The following NSD2 variants were observed in gnomAD, a reference collection of about 807,000 sequenced individuals.
NSD2 encodes the protein histone-lysine N-methyltransferase NSD2.
NSD2 carries 12 observed loss-of-function variants against 139.0 expected under a neutral mutation model. That is an observed-to-expected ratio of 0.09 (90% CI 0.06 to 0.14). NSD2 has a LOEUF of 0.14. NSD2 is among the 10% of genes least tolerant of loss of function. NSD2 has a pLI of 1.00. For synonymous variants in NSD2, 669 were observed against 648.7 expected, an observed-to-expected ratio of 1.03 and a Z score of -0.48; for missense variants, 1,155 against 1,745.0, an observed-to-expected ratio of 0.66 and a Z score of 6.02.
chr4:1,964,967 A>G (rs1725730719), intron 18 of NSD2, among the ~76,000 whole-genome samples: 1 of 151,788 alleles, frequency 6.6e-6, no homozygotes, highest in Non-Finnish European at 1.5e-5. Flanking sequence ...AAAAATAACA[A>G]AAACAGCAAA....
rs1407191173 is a variant in NSD2 at position 1,982,080 on chromosome 4, T to C, written c.*3171T>C. 5.0e-6 allele frequency: 2 copies of C among 396,924 alleles called. No homozygotes were observed. The highest frequency in any genetic ancestry group is 4.1e-5 in the African/African-American group (2 of 48,610). 24.6% of individuals were successfully genotyped at this position (396,924 alleles called of 1,614,324 possible). A position where few individuals can be genotyped will look rare whatever the true frequency, so the allele number is the denominator to read the frequency against. On this transcript the variant is annotated 3_prime_UTR_variant, in exon 22 of 22. Coordinates refer to ENST00000508803, the MANE Select transcript of NSD2 (RefSeq NM_001042424.3). Reference sequence around the variant, plus strand: ...AATTCACTTTTTGGGGGGAGGGATATACTGAAATAGAGAGTTGAGACTTGC... The same window carrying C: ...AATTCACTTTTTGGGGGGAGGGATACACTGAAATAGAGAGTTGAGACTTGC...
intron 7 of NSD2, 50 bp from the exon 8 acceptor site, chr4:1,938,401 C>CTTTTTTTTTTGTTTGTTTT: frequency 2.3e-6 from 2 of 872,424 alleles, no homozygotes; most frequent in Non-Finnish European, 2.9e-6. Flanking sequence ...TTTTTCTTTT[C>CTTTTTTTTTTGTTTGTTTT]TTTTTTTTTT....
chr4:1,946,199 C>G (rs1424313077), intron 9 of NSD2: 1 of 1,016,142 alleles, frequency 9.8e-7, no homozygotes, highest in Non-Finnish European at 1.2e-6. Context: ...TCTTAAAATA[C>G]TCACAAAGCT....
intron 17 of NSD2, among the ~76,000 whole-genome samples, chr4:1,960,381 G>T (rs944905853): frequency 6.6e-6 from 1 of 152,212 alleles, no homozygotes; most frequent in Admixed American, 6.5e-5. Flanking sequence ...TTGCTCTTGT[G>T]AGGGGTGGTC....
chr4:1,937,078 G>A lies in NSD2; in HGVS notation c.1675-1373G>A, dbSNP rs1194240171. ...TAATTTTTTTTTTTTTTGAGAGGGA[G>A]TCTCACTTCGTCACCCAGGCTGGAG... On this transcript the variant is annotated intron_variant, in intron 7 of 21. Coordinates refer to ENST00000508803, the MANE Select transcript of NSD2 (RefSeq NM_001042424.3). 4.6e-5 allele frequency among the ~76,000 whole-genome samples: 7 copies of A among 151,342 alleles called. No homozygotes were observed. In the South Asian group the frequency reaches 1.5e-3, roughly 32 times the overall value.
rs1345791619 is a variant in NSD2 at position 1,958,544 on chromosome 4, C to T, written c.2985+508C>T. Among the ~76,000 whole-genome samples, 2 of 152,242 alleles carry T rather than the reference C, an allele frequency of 1.3e-5. No individual in the cohort carries two copies. Among genetic ancestry groups the T allele is most frequent in the East Asian group, 3.9e-4 (2 of 5,184 alleles). ...AGGGCTCTGTGAGAGCTCCAGGCCC[C>T]TCAGGGCTGCCTGCGCTCAGAGCTG... On this transcript the variant is annotated intron_variant, in intron 16 of 21. Coordinates refer to ENST00000508803, the MANE Select transcript of NSD2 (RefSeq NM_001042424.3). The surrounding 1 kb of genome is among the most constrained non-coding windows in gnomAD (Gnocchi z 4.6).
At chr4:1,902,756 C>G (rs1475199888) in intron 2 of NSD2, among the ~76,000 whole-genome samples, 3 of 152,196 alleles carry the variant, frequency 2.0e-5, no homozygotes, top group Non-Finnish European at 2.9e-5. Flanking sequence ...GGCTTTTATT[C>G]CTAGCCATGT....
rs953376550 is a variant in NSD2 at position 1,948,595 on chromosome 4, A to G, written c.1882-2477A>G. On this transcript the variant is annotated intron_variant, in intron 9 of 21. Transcript: ENST00000508803. This position sits in a 1 kb window ranked among gnomAD's most constrained non-coding sequence, Gnocchi z 4.5. The stretch of plus-strand genomic sequence containing the variant: ...AGTCGGAATCTCTGCAATCTGTGTC[A>G]TGGACTGTACTATTGTAAGGTCTAT... 1 of 1,063,548 alleles carries G rather than the reference A, an allele frequency of 9.4e-7. No homozygotes were observed. The highest frequency in any genetic ancestry group is 1.6e-5 in the African/African-American group (1 of 60,968). The allele number at this position is 1,063,548 out of a possible 1,614,324, so 65.9% of individuals were successfully genotyped here.
In NSD2 at chr4:1,918,262, G is replaced by A. The variant is rs1238838764; in HGVS notation, c.1049G>A (p.Gly350Glu). Residue 350 changes from glycine (G) to glutamate (E), a missense_variant, in exon 5 of 22, where the codon GGG becomes GAG. Physicochemically the swap from Gly to Glu is moderately conservative, Grantham distance 98. Around this residue, in one of 8 missense-constraint regions of NSD2, gnomAD observed 420 missense variants for 469.0 expected, o/e 0.90. Coordinates refer to ENST00000508803, the MANE Select transcript of NSD2 (RefSeq NM_001042424.3). ...RKAKFTFLYV[G>E]DQLHLNPQVA... ...GCCAAGTTCACCTTTCTCTATGTGGGGGACCAGCTTCATCTCAACCCTCAA... is the reference window on the plus strand; with the variant it reads ...GCCAAGTTCACCTTTCTCTATGTGGAGGACCAGCTTCATCTCAACCCTCAA... The A allele has an allele frequency of 6.2e-7, 1 of 1,613,808 alleles. No individual in the cohort carries two copies. The highest frequency in any genetic ancestry group is 1.7e-5 in the Admixed American group (1 of 59,952).
chr4:1,935,160 A>T lies in NSD2; in HGVS notation c.1572A>T (p.Lys524Asn). Residue 524 changes from lysine to asparagine, a missense_variant, in exon 7 of 22, where the codon AAA becomes AAT. By Grantham distance (94) the Lys-to-Asn change is moderately conservative. Coordinates refer to ENST00000508803, the MANE Select transcript of NSD2 (RefSeq NM_001042424.3). ...AEEDSGNVNGKKRNHTKRIQD... is the reference protein window; with the variant it reads ...AEEDSGNVNGNKRNHTKRIQD... ...CATTCCAAGGTAATGTAAATGGGAA[A>T]AAAAGAAACCACACAAAGAGGATAC... 8 of 1,611,558 alleles carry T rather than the reference A, an allele frequency of 5.0e-6. No homozygotes were observed. Among genetic ancestry groups the T allele is most frequent in the Non-Finnish European group, 6.8e-6 (8 of 1,178,762 alleles).
chr4:1,952,356 C>T (rs1724361657), intron 11 of NSD2, 125 bp downstream of exon 11: 2 of 1,416,738 alleles, frequency 1.4e-6, no homozygotes, highest in Non-Finnish European at 1.9e-6. Flanking sequence ...CACCGCCTGG[C>T]CCTCTCTGGA....
Position 1,948,093 on chromosome 4 carries a change from T to C in NSD2, c.1882-2979T>C. On this transcript the variant is annotated intron_variant, in intron 9 of 21. Transcript: ENST00000508803. This position sits in a 1 kb window ranked among gnomAD's most constrained non-coding sequence, Gnocchi z 4.5. ...TGAAGGAATGTATTTCTAAGGCAAA[T>C]AGGCAACTTGGTACTATCTTATTCT... 4.7e-6 allele frequency: 5 copies of C among 1,058,858 alleles called. No individual in the cohort carries two copies. The highest frequency in any genetic ancestry group is 5.7e-6 in the Non-Finnish European group (5 of 874,996). The allele number at this position is 1,058,858 out of a possible 1,614,324, so 65.6% of individuals were successfully genotyped here.
At chr4:1,938,161 A>G (rs1722621214) in intron 7 of NSD2, among the ~76,000 whole-genome samples, 1 of 152,102 alleles carries the variant, frequency 6.6e-6, no homozygotes, top group South Asian at 2.1e-4. Context: ...GCGTGGCCCC[A>G]CCCACCTCGC....
intron 18 of NSD2, among the ~76,000 whole-genome samples, chr4:1,961,823 C>T (rs1560777093): frequency 1.3e-5 from 2 of 151,824 alleles, no homozygotes; most frequent in Admixed American, 1.3e-4. Context: ...ACACGGCAGG[C>T]TTTTGGCTTC....
intron 5 of NSD2, among the ~76,000 whole-genome samples, chr4:1,921,611 G>C (rs985967091): frequency 1.3e-5 from 2 of 150,344 alleles, no homozygotes; most frequent in Admixed American, 6.6e-5. Flanking sequence ...GTGAAACCCC[G>C]TCTCTACTAA....
rs1560766935 is a variant in NSD2, at chr4:1,958,089, C to T, written c.2985+53C>T. On this transcript the variant is annotated intron_variant, in intron 16 of 21. Transcript: ENST00000508803. The surrounding 1 kb of genome is among the most constrained non-coding windows in gnomAD (Gnocchi z 4.6). Reference sequence around the variant, plus strand: ...TGTGGAGGGAGTCTTCCCCGAGGGCCGTGAGAGGTTCTTAGGCACACCCAG... The same window carrying T: ...TGTGGAGGGAGTCTTCCCCGAGGGCTGTGAGAGGTTCTTAGGCACACCCAG... 6 of 1,568,448 alleles carry T rather than the reference C, an allele frequency of 3.8e-6. No individual in the cohort carries two copies. In the South Asian group the frequency reaches 5.6e-5, roughly 15 times the overall value.
chr4:1,927,784 A>G (rs1222119146), intron 5 of NSD2, among the ~76,000 whole-genome samples: 3 of 149,352 alleles, frequency 2.0e-5, no homozygotes, highest in Non-Finnish European at 4.5e-5. Flanking sequence ...AAGGAGGGGA[A>G]TGTAATCTGA....
chr4:1,876,680 C>A (rs1178482011), intron 1 of NSD2, among the ~76,000 whole-genome samples: 1 of 151,654 alleles, frequency 6.6e-6, no homozygotes, highest in African/African-American at 2.4e-5. Flanking sequence ...GATAGCACAA[C>A]CCTCTCTCAA....
intron 3 of NSD2, among the ~76,000 whole-genome samples, chr4:1,913,916 A>G (rs775004507): frequency 6.6e-6 from 1 of 152,082 alleles, no homozygotes; most frequent in Non-Finnish European, 1.5e-5. Context: ...CTACAGTTCT[A>G]TGCTGTGTTC....
Sources: gnomAD v4.1 joint callset for allele counts (sites outside exome capture counted in the v4.1 genomes callset) on GRCh38, gnomAD v4.1.1 for gene constraint, gnomAD v4.1.1 regional missense constraint, Gnocchi (gnomAD v3.1) non-coding constraint, MANE v1.5 for transcripts, NCBI Gene and HGNC (gene_info 2026-07-23, HGNC 2026-07-21) for gene names.